SETX: variants seen among roughly 807,000 people sequenced by gnomAD.
The protein encoded by SETX is helicase senataxin.
SETX carries 90 observed loss-of-function variants against 227.2 expected under a neutral mutation model. The observed-to-expected ratio is 0.40, with a 90% CI of 0.33 to 0.47. The LOEUF (loss-of-function observed/expected upper bound fraction) is 0.47, where lower values mean the gene tolerates loss of function less well. Ranked by LOEUF, SETX falls within the 20% of genes least tolerant of loss-of-function variation. SETX has a pLI of 0.91. For synonymous variants in SETX, 1,210 were observed against 1,113.2 expected (o/e 1.09, Z -1.73); for missense variants, 3,052 against 3,181.5 (o/e 0.96, Z 0.98).
intron 15 of SETX, among the ~76,000 whole-genome samples, chr9:132,294,467 T>C (rs897291181): frequency 1.3e-5 from 2 of 152,210 alleles, no homozygotes; most frequent in African/African-American, 4.8e-5. Context: ...CTCACAAATG[T>C]AAAGGCAAGT....
intron 21 of SETX, 56 bp from the exon 22 acceptor site, chr9:132,277,208 A>G: frequency 1.3e-6 from 2 of 1,513,838 alleles, no homozygotes; most frequent in Non-Finnish European, 1.8e-6. Flanking sequence ...TTAAGAAAAT[A>G]TCTTGGTATT....
At position 132,278,165 on chromosome 9, in the gene SETX, C is replaced by G; in HGVS notation, c.6747G>C (p.Leu2249=). 2 of 1,614,134 alleles carry G rather than the reference C, an allele frequency of 1.2e-6. No individual in the cohort carries two copies. The highest frequency in any genetic ancestry group is 2.7e-5 in the African/African-American group (2 of 75,026). Reference sequence around the variant, plus strand: ...ACTGAACAGTGAGCTGTAGAATGGGCAGCCTGCTGATCATGTTGTGTTCTA... The same window carrying G: ...ACTGAACAGTGAGCTGTAGAATGGGGAGCCTGCTGATCATGTTGTGTTCTA... The part of the protein sequence containing the change: ...ENVEHNMISR[L]PILQLTVQYR... The change falls in exon 21 of 26, where the codon CTG becomes CTC. Residue 2249 remains leucine, a synonymous_variant. Coordinates refer to ENST00000224140, the MANE Select transcript of SETX (RefSeq NM_015046.7).
chr9:132,343,992 C>T (rs1158563009), intron 4 of SETX, among the ~76,000 whole-genome samples: 2 of 152,096 alleles, frequency 1.3e-5, no homozygotes, highest in South Asian at 2.1e-4. Flanking sequence ...TGTTGGTTTC[C>T]GTACGAACAT....
chr9:132,273,387 TC>T (rs1236857129), intron 23 of SETX, among the ~76,000 whole-genome samples: 1 of 152,200 alleles, frequency 6.6e-6, no homozygotes, highest in Non-Finnish European at 1.5e-5. Context: ...GGTCTTGAAC[TC>T]CTGACCTCAG....
intron 11 of SETX, among the ~76,000 whole-genome samples, chr9:132,306,886 T>C (rs1367121083): frequency 2.0e-5 from 3 of 152,244 alleles, no homozygotes; most frequent in Non-Finnish European, 4.4e-5. Flanking sequence ...CAGCTCTTTA[T>C]CTATTTTATT....
At chr9:132,338,343 G>A (rs979848523) in intron 5 of SETX, among the ~76,000 whole-genome samples, 31 of 152,022 alleles carry the variant, frequency 2.0e-4, no homozygotes, top group African/African-American at 5.3e-4. Context: ...CACCCACCTC[G>A]GCCTCCCATA....
In SETX at chr9:132,298,101, C is replaced by T; in HGVS notation, c.5760G>A (p.Leu1920=). The stretch of plus-strand genomic sequence containing the variant: ...TCACAATTCTCTCAGATGTTGTAGT[C>T]AGTAAATCTTTTGTACAGAAGTCCA... The part of the protein sequence containing the change: ...NPMDFCTKDL[L]TTTSERIIAY... The change falls in exon 13 of 26, where the codon CTG becomes CTA. Residue 1920 remains leucine (L), a synonymous_variant. Transcript: ENST00000224140. 1 of 1,613,634 alleles carries T rather than the reference C, an allele frequency of 6.2e-7. No homozygotes were observed. Among genetic ancestry groups the T allele is most frequent in the Non-Finnish European group, 8.5e-7 (1 of 1,179,652 alleles).
chr9:132,277,366 T>A (rs762156053), intron 21 of SETX, among the ~76,000 whole-genome samples: 1 of 152,214 alleles, frequency 6.6e-6, no homozygotes, highest in Admixed American at 6.5e-5. Context: ...CATTAAAATA[T>A]AACAAGTATG....
At chr9:132,304,708 C>T (rs1440066877) in intron 11 of SETX, among the ~76,000 whole-genome samples, 1 of 151,622 alleles carries the variant, frequency 6.6e-6, no homozygotes, top group Non-Finnish European at 1.5e-5. Context: ...GAAAAGAATA[C>T]TGAATTAGGC....
At chr9:132,331,903 A>G (rs1436084826) in intron 7 of SETX, among the ~76,000 whole-genome samples, 1 of 152,248 alleles carries the variant, frequency 6.6e-6, no homozygotes, top group Non-Finnish European at 1.5e-5. Context: ...ATCTACATGA[A>G]GCCCATAATA....
intron 11 of SETX, among the ~76,000 whole-genome samples, chr9:132,304,915 T>G (rs1448584347): frequency 2.0e-5 from 3 of 151,468 alleles, no homozygotes; most frequent in Non-Finnish European, 4.4e-5. Context: ...GAGAATCGCT[T>G]GAAGCCAGGA....
intron 15 of SETX, among the ~76,000 whole-genome samples, chr9:132,293,680 A>G (rs563659892): frequency 6.6e-6 from 1 of 151,952 alleles, no homozygotes; most frequent in African/African-American, 2.4e-5. Context: ...TTGGCCTCCC[A>G]AAGTGCTGGG....
intron 10 of SETX, among the ~76,000 whole-genome samples, chr9:132,320,507 T>C (rs967536716): frequency 7.4e-6 from 1 of 134,472 alleles, no homozygotes; most frequent in African/African-American, 2.8e-5. Flanking sequence ...GGAGGGAAAA[T>C]GGTGTGAACC....
At chr9:132,282,330 C>G (rs1843589906) in intron 19 of SETX, among the ~76,000 whole-genome samples, 1 of 149,386 alleles carries the variant, frequency 6.7e-6, no homozygotes, top group Non-Finnish European at 1.5e-5. Flanking sequence ...GAGAGTCTCA[C>G]TCTGTCACCC....
chr9:132,330,570 T>A, intron 9 of SETX, 71 bp from the exon 10 acceptor site: 1 of 1,310,072 alleles, frequency 7.6e-7, no homozygotes, highest in South Asian at 1.2e-5. Flanking sequence ...CCCAAGTCGT[T>A]AAGAAAAATA....
intron 10 of SETX, among the ~76,000 whole-genome samples, chr9:132,313,877 T>C (rs1193635791): frequency 6.6e-6 from 1 of 151,036 alleles, no homozygotes; most frequent in Non-Finnish European, 1.5e-5. Context: ...ATAAGAACAT[T>C]TAGAATACAC....
At chr9:132,324,155 AAAGT>A (rs10591956) in intron 10 of SETX, among the ~76,000 whole-genome samples, 3,881 of 152,290 alleles carry the variant, frequency 0.025, 156 homozygotes, top group African/African-American at 0.088. Flanking sequence ...TCAGGAAATG[AAAGT>A]AAGTGTCTAC....
In SETX at chr9:132,348,345, A is replaced by C. The variant is rs1848412361; in HGVS notation, c.177+907T>G. Among the ~76,000 whole-genome samples the C allele has an allele frequency of 2.2e-5, 3 of 137,112 alleles. No individual in the cohort carries two copies. In the Admixed American group the frequency reaches 2.3e-4, roughly 11 times the overall value. The allele number at this position is 137,112 out of a possible 152,430, so 90.0% of individuals were successfully genotyped here. On this transcript the variant is annotated intron_variant, in intron 3 of 25. Transcript: ENST00000224140. Reference sequence around the variant, plus strand: ...GCCACTGCACTCCAGCCTGGACAAGAGAGTGAGACTCTGTCTCAAAAAAAA... The same window carrying C: ...GCCACTGCACTCCAGCCTGGACAAGCGAGTGAGACTCTGTCTCAAAAAAAA...
chr9:132,286,737 G>C (rs1027382816), intron 17 of SETX, among the ~76,000 whole-genome samples: 1 of 152,168 alleles, frequency 6.6e-6, no homozygotes, highest in Admixed American at 6.5e-5. Flanking sequence ...GGAGCATCAC[G>C]CCACCCTTAA....
Sources: allele counts gnomAD v4.1 joint callset (sites outside exome capture counted in the v4.1 genomes callset), GRCh38; gene constraint gnomAD v4.1.1; transcripts MANE v1.5; gene names NCBI Gene and HGNC (gene_info 2026-07-23, HGNC 2026-07-21).